The following TBCK variants were observed in gnomAD, a reference collection of about 807,000 sequenced individuals.
TBCK encodes the protein TBC domain-containing protein kinase-like protein.
A neutral mutation model predicts 113.4 loss-of-function variants in TBCK; 99 were observed. That is an observed-to-expected ratio of 0.87 (90% CI 0.74 to 1.03). The LOEUF (loss-of-function observed/expected upper bound fraction) is 1.03, where lower values mean the gene tolerates loss of function less well. Among genes scored for constraint, TBCK ranks in the 50% least tolerant of loss-of-function variants. The pLI is 0.00. For synonymous variants in TBCK, 369 were observed against 370.8 expected (o/e 1.00, Z 0.05); for missense variants, 1,045 against 1,061.3 (o/e 0.98, Z 0.21).
chr4:106,270,256 T>G (rs936245301), intron 3 of TBCK, among the ~76,000 whole-genome samples: 2 of 152,214 alleles, frequency 1.3e-5, no homozygotes, highest in African/African-American at 4.8e-5. Context: ...GTTTTCTAAC[T>G]TCTCTGTGAG....
intron 25 of TBCK, among the ~76,000 whole-genome samples, chr4:106,058,903 C>A (rs912349930): frequency 2.0e-5 from 3 of 151,676 alleles, no homozygotes; most frequent in Non-Finnish European, 4.4e-5. Flanking sequence ...TTCAATAAGT[C>A]AGGTACAAGA....
chr4:106,097,892 A>C (rs1055324314), intron 24 of TBCK, among the ~76,000 whole-genome samples: 1 of 152,120 alleles, frequency 6.6e-6, no homozygotes, highest in African/African-American at 2.4e-5. Flanking sequence ...GGAAAATAGA[A>C]GAAAATTTTT....
At chr4:106,154,229 T>G (rs1318087643) in intron 23 of TBCK, among the ~76,000 whole-genome samples, 2 of 152,120 alleles carry the variant, frequency 1.3e-5, no homozygotes, top group African/African-American at 2.4e-5. Flanking sequence ...TGTGGTGTGT[T>G]TTTTGATTTG....
intron 19 of TBCK, among the ~76,000 whole-genome samples, chr4:106,226,766 A>T (rs1208894761): frequency 6.6e-6 from 1 of 152,134 alleles, no homozygotes; most frequent in Non-Finnish European, 1.5e-5. Flanking sequence ...CCAAGGTTTT[A>T]TTAAATCCAC....
At chr4:106,132,103 C>T (rs1746013517) in intron 23 of TBCK, among the ~76,000 whole-genome samples, 1 of 152,202 alleles carries the variant, frequency 6.6e-6, no homozygotes, top group African/African-American at 2.4e-5. Flanking sequence ...GGAAGAAATT[C>T]AAGCCAGCTG....
chr4:106,113,389 A>G (rs1417096398), intron 24 of TBCK, among the ~76,000 whole-genome samples: 1 of 151,906 alleles, frequency 6.6e-6, no homozygotes, highest in Non-Finnish European at 1.5e-5. Context: ...GAAAATTTAG[A>G]TGATAAATTT....
chr4:106,084,117 G>C (rs2149496023), intron 25 of TBCK, among the ~76,000 whole-genome samples: 1 of 152,272 alleles, frequency 6.6e-6, no homozygotes, highest in Admixed American at 6.5e-5. Context: ...GGCTCCAGAA[G>C]ATGGGTAATA....
intron 25 of TBCK, among the ~76,000 whole-genome samples, chr4:106,069,157 C>T (rs961799079): frequency 1.1e-4 from 16 of 152,180 alleles, no homozygotes; most frequent in Admixed American, 3.9e-4. Context: ...AATTAGATCT[C>T]ATTTGTCAAT....
intron 19 of TBCK, among the ~76,000 whole-genome samples, chr4:106,219,634 T>C (rs1365435096): frequency 6.6e-6 from 1 of 151,978 alleles, no homozygotes. Flanking sequence ...AACAATCTAC[T>C]CAAGGGCAAG....
Position 106,293,056 on chromosome 4 carries a change from C to T in TBCK, c.266+2038G>A, listed in dbSNP as rs189930223. On this transcript the variant is annotated intron_variant, in intron 3 of 25. Coordinates refer to ENST00000394708, the MANE Select transcript of TBCK (RefSeq NM_001163435.3). ...AGCTTTCAAAAGAGTTTAAGCATTACTTCCCAACCACAAAGGACCCCTGAA... is the reference window on the plus strand; with the variant it reads ...AGCTTTCAAAAGAGTTTAAGCATTATTTCCCAACCACAAAGGACCCCTGAA... Among the ~76,000 whole-genome samples the T allele has an allele frequency of 2.6e-5, 4 of 152,330 alleles. No individual in the cohort carries two copies. In the East Asian group the frequency reaches 7.7e-4, roughly 29 times the overall value.
chr4:106,111,824 C>T (rs1040116625), intron 24 of TBCK, among the ~76,000 whole-genome samples: 13 of 152,240 alleles, frequency 8.5e-5, no homozygotes, highest in Middle Eastern at 3.4e-3. Context: ...AACTTACATA[C>T]CTTAAATGAT....
At chr4:106,271,873 A>T (rs1457180786) in intron 3 of TBCK, among the ~76,000 whole-genome samples, 1 of 152,168 alleles carries the variant, frequency 6.6e-6, no homozygotes, top group Non-Finnish European at 1.5e-5. Context: ...GAATTTTAAG[A>T]ACCTTTCATC....
intron 23 of TBCK, among the ~76,000 whole-genome samples, chr4:106,168,925 G>A (rs1267685210): frequency 6.6e-6 from 1 of 151,862 alleles, no homozygotes; most frequent in Non-Finnish European, 1.5e-5. Flanking sequence ...AATCCAAAAT[G>A]TTCCAAAATC....
intron 6 of TBCK, 37 bp downstream of exon 6, chr4:106,251,829 A>G: frequency 7.0e-7 from 1 of 1,429,762 alleles, no homozygotes. Flanking sequence ...TAAATGCACA[A>G]TTTCCTTTTA....
chr4:106,149,263 G>A (rs552614964), intron 23 of TBCK, among the ~76,000 whole-genome samples: 3 of 152,278 alleles, frequency 2.0e-5, no homozygotes, highest in South Asian at 2.1e-4. Flanking sequence ...TTGTTCACTC[G>A]AGTAGCATTT....
At chr4:106,255,611 T>C (rs1761904751) in intron 5 of TBCK, among the ~76,000 whole-genome samples, 1 of 151,982 alleles carries the variant, frequency 6.6e-6, no homozygotes. Flanking sequence ...CCAAAGAGAG[T>C]GTCACAGCCC....
intron 1 of TBCK, among the ~76,000 whole-genome samples, chr4:106,309,582 G>C (rs543305398): frequency 6.6e-6 from 1 of 151,890 alleles, no homozygotes; most frequent in East Asian, 1.9e-4. Flanking sequence ...GATTACAGGC[G>C]TGAGCCACCA....
intron 25 of TBCK, among the ~76,000 whole-genome samples, chr4:106,090,334 G>A (rs1227261280): frequency 6.6e-6 from 1 of 152,192 alleles, no homozygotes; most frequent in Non-Finnish European, 1.5e-5. Context: ...AGGCTGTGCA[G>A]GGAAGTGGGG....
At chr4:106,129,670 T>C (rs755249385) in intron 23 of TBCK, among the ~76,000 whole-genome samples, 2 of 152,020 alleles carry the variant, frequency 1.3e-5, no homozygotes, top group Non-Finnish European at 2.9e-5. Context: ...CACAAATAGG[T>C]AATAAAAATG....
Sources: allele counts gnomAD v4.1 joint callset (sites outside exome capture counted in the v4.1 genomes callset), GRCh38; gene constraint gnomAD v4.1.1; transcripts MANE v1.5; gene names NCBI Gene and HGNC (gene_info 2026-07-23, HGNC 2026-07-21).